The following STAB2 variants were observed in gnomAD, a reference collection of about 807,000 sequenced individuals.
The protein encoded by STAB2 is stabilin-2.
Under a neutral mutation model 338.1 loss-of-function variants are expected in STAB2, and 288 were observed. That is an observed-to-expected ratio of 0.85 (90% CI 0.77 to 0.94). The LOEUF (loss-of-function observed/expected upper bound fraction) is 0.94. Ranked by LOEUF, STAB2 falls within the 40% of genes least tolerant of loss-of-function variation. The pLI, the probability that STAB2 is intolerant of heterozygous loss-of-function variation, is 0.00. For synonymous variants in STAB2, 1,202 were observed against 1,193.3 expected (o/e 1.01, Z -0.15); for missense variants, 3,141 against 3,210.1 (o/e 0.98, Z 0.52).
chr12:103,722,117 T>G (rs749126757), intron 44 of STAB2, among the ~76,000 whole-genome samples: 3 of 152,022 alleles, frequency 2.0e-5, no homozygotes, highest in Non-Finnish European at 4.4e-5. Flanking sequence ...GGCACACAGA[T>G]GGTATTTAAA....
intron 36 of STAB2, 42 bp from the exon 37 acceptor site, chr12:103,705,590 T>C: frequency 6.3e-7 from 1 of 1,596,818 alleles, no homozygotes; most frequent in African/African-American, 1.3e-5. Flanking sequence ...TGGAAAACTT[T>C]TTCCTAACTT....
intron 56 of STAB2, among the ~76,000 whole-genome samples, chr12:103,743,491 A>G (rs1251048752): frequency 6.6e-6 from 1 of 152,200 alleles, no homozygotes; most frequent in South Asian, 2.1e-4. Context: ...GTTTTAGAAG[A>G]CACCTCACAT....
Position 103,677,621 on chromosome 12 carries a change from A to T in STAB2, c.2805+10A>T. 22 of 1,605,370 alleles carry T rather than the reference A, an allele frequency of 1.4e-5. No individual in the cohort carries two copies. The highest frequency in any genetic ancestry group is 1.9e-5 in the Non-Finnish European group (22 of 1,172,676). The stretch of plus-strand genomic sequence containing the variant: ...TGTGGGTCCCGGGCAGGTAGGTTGG[A>T]TGTCATGAGAGCAAAGAGAAAGCAG... On this transcript the variant is annotated intron_variant, in intron 25 of 68. Transcript: ENST00000388887.
At chr12:103,734,035 C>T (rs1019482597) in intron 51 of STAB2, among the ~76,000 whole-genome samples, 2 of 149,296 alleles carry the variant, frequency 1.3e-5, no homozygotes, top group South Asian at 2.1e-4. Flanking sequence ...TAGGAACAAG[C>T]GCGATCATAT....
In STAB2 at chr12:103,650,488, C is replaced by T; in HGVS notation, c.1175-8C>T. On this transcript the variant is annotated splice_polypyrimidine_tract_variant and splice_region_variant and intron_variant, in intron 10 of 68. Coordinates refer to ENST00000388887, the MANE Select transcript of STAB2 (RefSeq NM_017564.10). ...GTTTTCTTTCTTTGTGTTATTTCGA[C>T]TCCTAAGACAAAGCTTATGCCTGGC... The T allele has an allele frequency of 6.2e-7, 1 of 1,612,264 alleles. No homozygotes were observed. The highest frequency in any genetic ancestry group is 8.5e-7 in the Non-Finnish European group (1 of 1,178,634).
At chr12:103,742,341 C>T (rs774498336) in intron 55 of STAB2, 64 bp from the exon 56 acceptor site, 5 of 1,569,282 alleles carry the variant, frequency 3.2e-6, no homozygotes, top group Non-Finnish European at 4.3e-6. Context: ...AGCACATTTA[C>T]AAAGGTGCTG....
At chr12:103,681,163 A>G (rs942331076) in intron 25 of STAB2, among the ~76,000 whole-genome samples, 1 of 152,222 alleles carries the variant, frequency 6.6e-6, no homozygotes, top group African/African-American at 2.4e-5. Context: ...TCTGGAGAAA[A>G]TTAGCTTTAA....
intron 58 of STAB2, 77 bp from the exon 59 acceptor site, chr12:103,748,886 G>A: frequency 6.8e-7 from 1 of 1,474,186 alleles, no homozygotes; most frequent in Non-Finnish European, 9.2e-7. Flanking sequence ...CTAGTGCTGT[G>A]GTGCCCCATA....
Position 103,594,495 on chromosome 12 carries a change from G to A in STAB2, c.316G>A (p.Gly106Ser). The change falls in exon 3 of 69, where the codon GGC (glycine) becomes AGC (serine). Residue 106 changes from glycine (G) to serine (S), a missense_variant. By Grantham distance (56) the Gly-to-Ser change is moderately conservative (BLOSUM62 0). Coordinates refer to ENST00000388887, the MANE Select transcript of STAB2 (RefSeq NM_017564.10). ...ACCTCGGTGTTGTCCTGGCCGCTGGGGCCCAGACTGTATAGGTAAGTGGCA... is the reference window on the plus strand; with the variant it reads ...ACCTCGGTGTTGTCCTGGCCGCTGGAGCCCAGACTGTATAGGTAAGTGGCA... ...LQPRCCPGRWGPDCIECPGGA... is the reference protein window; with the variant it reads ...LQPRCCPGRWSPDCIECPGGA... 1.2e-6 allele frequency: 2 copies of A among 1,613,768 alleles called. No homozygotes were observed. The highest frequency in any genetic ancestry group is 1.7e-6 in the Non-Finnish European group (2 of 1,179,716).
At chr12:103,631,832 A>G in intron 6 of STAB2, 139 bp downstream of exon 6, 1 of 726,560 alleles carries the variant, frequency 1.4e-6, no homozygotes, top group Non-Finnish European at 2.3e-6. Flanking sequence ...TAGAAATTAA[A>G]AAGAGAATAT....
intron 5 of STAB2, among the ~76,000 whole-genome samples, chr12:103,627,335 G>A (rs1301039672): frequency 6.6e-6 from 1 of 152,190 alleles, no homozygotes; most frequent in Admixed American, 6.5e-5. Flanking sequence ...CTGTGATGAT[G>A]CAGAGTGCAC....
chr12:103,603,159 C>A (rs1156308829), intron 3 of STAB2, among the ~76,000 whole-genome samples: 6 of 152,174 alleles, frequency 3.9e-5, no homozygotes, highest in African/African-American at 1.4e-4. Flanking sequence ...CAAGCTCTGC[C>A]TCCCGGGTTC....
intron 3 of STAB2, among the ~76,000 whole-genome samples, chr12:103,598,330 T>C (rs1436390857): frequency 6.6e-6 from 1 of 152,204 alleles, no homozygotes; most frequent in Non-Finnish European, 1.5e-5. Context: ...GGAAGTGTAT[T>C]ATCTTCCTTT....
At chr12:103,721,388 G>C (rs1440590419) in intron 44 of STAB2, among the ~76,000 whole-genome samples, 3 of 152,234 alleles carry the variant, frequency 2.0e-5, no homozygotes, top group Non-Finnish European at 2.9e-5. Context: ...ACTGAAGAGA[G>C]AGCCAGTGTG....
intron 17 of STAB2, among the ~76,000 whole-genome samples, chr12:103,661,354 A>G (rs1183418671): frequency 6.6e-6 from 1 of 152,242 alleles, no homozygotes; most frequent in Non-Finnish European, 1.5e-5. Flanking sequence ...ACAAACATCC[A>G]GCAGCACAGG....
In STAB2 at chr12:103,759,192, T is replaced by C; in HGVS notation, c.7167T>C (p.Asn2389=). The C allele has an allele frequency of 6.2e-7, 1 of 1,614,182 alleles. No individual in the cohort carries two copies. Among genetic ancestry groups the C allele is most frequent in the Non-Finnish European group, 8.5e-7 (1 of 1,180,024 alleles). The change falls in exon 65 of 69, where the codon AAT becomes AAC. Residue 2389 remains asparagine (N), a synonymous_variant. Transcript: ENST00000388887. The part of the protein sequence containing the change: ...HLANVSMFFY[N]DLVNGTTLQT... ...CCAATGTCAGCATGTTTTTCTACAA[T>C]GACCTTGTCAATGGCACCACCCTGC...
At chr12:103,731,470 A>G in intron 49 of STAB2, 106 bp from the exon 50 acceptor site, 1 of 1,125,142 alleles carries the variant, frequency 8.9e-7, no homozygotes, top group Non-Finnish European at 1.3e-6. Flanking sequence ...CCATCTATGT[A>G]TCCGTCAGGT....
At chr12:103,750,436 A>T in intron 59 of STAB2, 143 bp from the exon 60 acceptor site, 1 of 949,208 alleles carries the variant, frequency 1.1e-6, no homozygotes, top group Non-Finnish European at 1.6e-6. Flanking sequence ...AGGACGTAGC[A>T]GTTATTCCCA....
At chr12:103,743,023 CTTT>C (rs34478982) in intron 56 of STAB2, among the ~76,000 whole-genome samples, 5 of 134,742 alleles carry the variant, frequency 3.7e-5, no homozygotes, top group Non-Finnish European at 4.6e-5. Flanking sequence ...ATTTTTTTTT[CTTT>C]TTTTTTTTTT....
Sources: allele counts gnomAD v4.1 joint callset (sites outside exome capture counted in the v4.1 genomes callset), GRCh38; gene constraint gnomAD v4.1.1; transcripts MANE v1.5; gene names NCBI Gene and HGNC (gene_info 2026-07-23, HGNC 2026-07-21).